The following DCLRE1C variants were observed in gnomAD, a reference collection of about 807,000 sequenced individuals.
DCLRE1C encodes the protein DNA cross-link repair 1C.
In DCLRE1C, 47 loss-of-function variants were observed where a neutral mutation model predicts 61.4. That is an observed-to-expected ratio of 0.77 (90% CI 0.61 to 0.98). The LOEUF is 0.98. Ranked by LOEUF, DCLRE1C falls within the 50% of genes least tolerant of loss-of-function variation. The pLI, the probability that DCLRE1C is intolerant of heterozygous loss-of-function variation, is 0.00. For synonymous variants in DCLRE1C, 337 were observed against 287.6 expected, an observed-to-expected ratio of 1.17 and a Z score of -1.74; for missense variants, 858 against 816.0, an observed-to-expected ratio of 1.05 and a Z score of -0.63.
At chr10:14,933,965 GT>G (rs1164340736) in intron 8 of DCLRE1C, among the ~76,000 whole-genome samples, 1 of 152,112 alleles carries the variant, frequency 6.6e-6, no homozygotes, top group African/African-American at 2.4e-5. Flanking sequence ...ATCTGTCCCT[GT>G]TTGCAGTTAT....
At chr10:14,927,147 C>T (rs1483419970) in intron 10 of DCLRE1C, among the ~76,000 whole-genome samples, 2 of 152,042 alleles carry the variant, frequency 1.3e-5, no homozygotes, top group Admixed American at 1.3e-4. Context: ...TATGGGAGGC[C>T]GACGCGTACG....
intron 8 of DCLRE1C, among the ~76,000 whole-genome samples, chr10:14,933,914 C>T (rs537021645): frequency 4.6e-5 from 7 of 152,110 alleles, no homozygotes; most frequent in Non-Finnish European, 8.8e-5. Flanking sequence ...TCAGAGGGCC[C>T]GCGAACCTCT....
At chr10:14,952,757 G>A (rs865934556) in intron 1 of DCLRE1C, among the ~76,000 whole-genome samples, 10 of 152,110 alleles carry the variant, frequency 6.6e-5, no homozygotes, top group Non-Finnish European at 1.2e-4. Context: ...TGCACGATGC[G>A]AATACGGCAA....
At chr10:14,938,376 C>G (rs1415362161) in intron 4 of DCLRE1C, among the ~76,000 whole-genome samples, 1 of 152,024 alleles carries the variant, frequency 6.6e-6, no homozygotes, top group Non-Finnish European at 1.5e-5. Context: ...CCTCACTAAA[C>G]TGGCTCTGTA....
chr10:14,943,211 C>A (rs1841157741), intron 3 of DCLRE1C, among the ~76,000 whole-genome samples: 1 of 152,164 alleles, frequency 6.6e-6, no homozygotes, highest in African/African-American at 2.4e-5. Context: ...AGAACTAATC[C>A]ATGTAATGAA....
At chr10:14,923,923 G>A (rs1308396489) in intron 11 of DCLRE1C, among the ~76,000 whole-genome samples, 2 of 152,178 alleles carry the variant, frequency 1.3e-5, no homozygotes, top group Admixed American at 1.3e-4. Context: ...AATGTGCACT[G>A]GTCTCCAGTG....
intron 13 of DCLRE1C, among the ~76,000 whole-genome samples, chr10:14,917,168 T>C (rs1039218907): frequency 6.6e-6 from 1 of 152,198 alleles, no homozygotes. Flanking sequence ...TTCCAACAAA[T>C]GGTTTAAGAA....
chr10:14,953,284 C>T (rs1206566759), intron 1 of DCLRE1C, among the ~76,000 whole-genome samples: 1 of 152,200 alleles, frequency 6.6e-6, no homozygotes, highest in East Asian at 1.9e-4. Flanking sequence ...GCATCAGCGA[C>T]ACTCTAACCT....
chr10:14,909,053 G>C lies in DCLRE1C; in HGVS notation c.1434C>G (p.His478Gln). 1 of 1,614,150 alleles carries C rather than the reference G, an allele frequency of 6.2e-7. No homozygotes were observed. Among genetic ancestry groups the C allele is most frequent in the Non-Finnish European group, 8.5e-7 (1 of 1,180,022 alleles). Residue 478 changes from histidine (H) to glutamine (Q), a missense_variant, in exon 14 of 14, where the codon CAC (histidine) becomes CAG (glutamine). His to Gln is a conservative substitution (Grantham distance 24, BLOSUM62 0). Coordinates refer to ENST00000378278, the MANE Select transcript of DCLRE1C (RefSeq NM_001033855.3). ...GTACATCCCCATCAGCCTTTTGCAG[G>C]TGAAGTACAGAGCCCAGATCTCCTT... ...SLQGDLGSVL[H>Q]LQKADGDVPQ... is the part of the protein sequence containing the mutation.
chr10:14,938,581 C>T (rs1840358779), intron 4 of DCLRE1C, among the ~76,000 whole-genome samples: 1 of 152,070 alleles, frequency 6.6e-6, no homozygotes, highest in Non-Finnish European at 1.5e-5. Context: ...TACCTACCAG[C>T]TGTAAAGGTT....
chr10:14,941,119 C>G (rs543095462), intron 3 of DCLRE1C, among the ~76,000 whole-genome samples: 273 of 152,252 alleles, frequency 1.8e-3, no homozygotes, highest in African/African-American at 6.2e-3. Flanking sequence ...CTCAGGTGAT[C>G]CCTCCACCTC....
At chr10:14,921,884 TTC>T (rs1837175082) in intron 12 of DCLRE1C, among the ~76,000 whole-genome samples, 1 of 152,204 alleles carries the variant, frequency 6.6e-6, no homozygotes, top group South Asian at 2.1e-4. Flanking sequence ...CCAACTCCAA[TTC>T]TGTGTCTCCA....
At chr10:14,934,350 A>G (rs772114619) in intron 8 of DCLRE1C, 30 bp downstream of exon 8, 1 of 1,597,290 alleles carries the variant, frequency 6.3e-7, no homozygotes, top group South Asian at 1.2e-5. Flanking sequence ...AAAAGAAAAA[A>G]GAAAAGAAAA....
chr10:14,922,854 T>C (rs1302513676), intron 12 of DCLRE1C, 127 bp downstream of exon 12: 5 of 733,364 alleles, frequency 6.8e-6, no homozygotes, highest in Admixed American at 4.1e-5. Flanking sequence ...TGGAAATGAG[T>C]ATCAGTTCAG....
chr10:14,898,234 A>G, exon 14 of DCLRE1C: 1 of 89,546 alleles, frequency 1.1e-5, no homozygotes, highest in Middle Eastern at 8.6e-3. Context: ...TTTTTTTGAG[A>G]AGTAGTACTG....
At chr10:14,909,728 A>G (rs1210551338) in intron 13 of DCLRE1C, among the ~76,000 whole-genome samples, 2 of 152,336 alleles carry the variant, frequency 1.3e-5, no homozygotes, top group East Asian at 3.9e-4. Context: ...CAGGTTTGCA[A>G]AGCCTGTGTG....
upstream of DCLRE1C, chr10:14,954,403 A>G: frequency 3.0e-6 from 1 of 335,458 alleles, no homozygotes; most frequent in Non-Finnish European, 5.8e-6. Flanking sequence ...TGGGCTGCGG[A>G]ACTGCGCTTA....
rs547539909 is a variant in DCLRE1C, at chr10:14,897,723, A to G, written c.*1441T>C. On this transcript the variant is annotated 3_prime_UTR_variant, in exon 14 of 14. Coordinates refer to the DCLRE1C transcript ENST00000378289. The stretch of plus-strand genomic sequence containing the variant: ...TATATGAATAAAAAATATACGTTAA[A>G]ACAAATTGATATAGTCATCTTTCAA... 17 of 367,180 alleles carry G rather than the reference A, an allele frequency of 4.6e-5. No homozygotes were observed. The East Asian group carries it at 7.2e-4, about 15-fold the overall frequency. The allele number at this position is 367,180 out of a possible 1,614,324, so 22.7% of individuals were successfully genotyped here. A position where few individuals can be genotyped will look rare whatever the true frequency, so the allele number is the denominator to read the frequency against.
At chr10:14,900,194 TAA>T (rs1444559430), downstream of DCLRE1C, among the ~76,000 whole-genome samples, 2 of 152,232 alleles carry the variant, frequency 1.3e-5, no homozygotes, top group African/African-American at 4.8e-5. Flanking sequence ...CCTTACCTTT[TAA>T]TGTCTGAAAG....
Sources: gnomAD v4.1 joint callset for allele counts (sites outside exome capture counted in the v4.1 genomes callset) on GRCh38, gnomAD v4.1.1 for gene constraint, MANE v1.5 for transcripts, NCBI Gene and HGNC (gene_info 2026-07-23, HGNC 2026-07-21) for gene names.